UNC5C: variants seen among roughly 807,000 people sequenced by gnomAD.
UNC5C encodes the protein netrin receptor UNC5C.
UNC5C carries 47 observed loss-of-function variants against 99.8 expected under a neutral mutation model. The observed-to-expected ratio is 0.47, with a 90% confidence interval of 0.37 to 0.60. The LOEUF (loss-of-function observed/expected upper bound fraction) is 0.60. Among genes scored for constraint, UNC5C ranks in the 20% least tolerant of loss-of-function variants. The pLI is 0.00. For synonymous variants in UNC5C, 487 were observed against 452.2 expected (o/e 1.08, Z -0.98); for missense variants, 1,062 against 1,165.9 (o/e 0.91, Z 1.30).
intron 1 of UNC5C, among the ~76,000 whole-genome samples, chr4:95,508,433 T>C (rs968830705): frequency 1.3e-5 from 2 of 151,992 alleles, no homozygotes; most frequent in African/African-American, 4.8e-5. Flanking sequence ...CTAAATCCCT[T>C]AACCTGGCAA....
At chr4:95,288,011 A>ATAAC (rs1412411629) in intron 3 of UNC5C, among the ~76,000 whole-genome samples, 2 of 152,146 alleles carry the variant, frequency 1.3e-5, no homozygotes, top group African/African-American at 4.8e-5. Context: ...CTTATGATAT[A>ATAAC]TAACTATAAA....
chr4:95,333,017 T>G (rs1439160611), intron 2 of UNC5C, among the ~76,000 whole-genome samples: 2 of 152,040 alleles, frequency 1.3e-5, no homozygotes, highest in African/African-American at 4.8e-5. Flanking sequence ...AAAACCACAA[T>G]GAGATACCAT....
chr4:95,295,833 C>A (rs1380984295), intron 3 of UNC5C, among the ~76,000 whole-genome samples: 1 of 152,180 alleles, frequency 6.6e-6, no homozygotes, highest in African/African-American at 2.4e-5. Flanking sequence ...GCCTATAATC[C>A]CAGCACTTTG....
At chr4:95,315,818 T>G (rs1363299958) in intron 2 of UNC5C, among the ~76,000 whole-genome samples, 1 of 152,200 alleles carries the variant, frequency 6.6e-6, no homozygotes, top group Non-Finnish European at 1.5e-5. Flanking sequence ...ACATACAACA[T>G]GCTGACAAAC....
intron 4 of UNC5C, among the ~76,000 whole-genome samples, chr4:95,257,580 C>T (rs760911485): frequency 3.3e-5 from 5 of 152,102 alleles, no homozygotes; most frequent in African/African-American, 7.2e-5. Flanking sequence ...GACCCATTTA[C>T]GGAGCAGGGA....
chr4:95,516,297 G>A (rs956052799), intron 1 of UNC5C, among the ~76,000 whole-genome samples: 54 of 152,114 alleles, frequency 3.5e-4, no homozygotes, highest in African/African-American at 1.2e-3. Context: ...ATTCTTCAAT[G>A]TGAACCTTGT....
At chr4:95,435,175 C>T (rs1050186427) in intron 1 of UNC5C, among the ~76,000 whole-genome samples, 1 of 152,050 alleles carries the variant, frequency 6.6e-6, no homozygotes, top group Non-Finnish European at 1.5e-5. Context: ...GTGGCCCTCC[C>T]AATTCTGATA....
intron 1 of UNC5C, among the ~76,000 whole-genome samples, chr4:95,369,003 G>A (rs780549318): frequency 1.3e-4 from 20 of 151,770 alleles, no homozygotes; most frequent in South Asian, 1.2e-3. Context: ...CTGCATCCTC[G>A]ACATCCACTA....
rs75235210 is a variant in UNC5C at position 95,462,395 on chromosome 4, A to G, written c.124+86339T>C. On this transcript the variant is annotated intron_variant, in intron 1 of 15. Transcript: ENST00000453304. The stretch of plus-strand genomic sequence containing the variant: ...AAACTTGTTTCAGGTGCTATATTAG[A>G]TATTACGGGTAAAAATTATAAATAA... Among the ~76,000 whole-genome samples, 150 of 152,282 alleles carry G rather than the reference A, an allele frequency of 9.9e-4. 4 individuals carry two copies. In the East Asian group the frequency reaches 0.028, roughly 28 times the overall value.
At chr4:95,237,691 A>T (rs1384605260) in intron 7 of UNC5C, among the ~76,000 whole-genome samples, 1 of 152,188 alleles carries the variant, frequency 6.6e-6, no homozygotes, top group African/African-American at 2.4e-5. Context: ...ATAATGGGAA[A>T]TGGAATTGAA....
chr4:95,311,824 G>C (rs1742287157), intron 2 of UNC5C, among the ~76,000 whole-genome samples: 1 of 152,116 alleles, frequency 6.6e-6, no homozygotes, highest in Non-Finnish European at 1.5e-5. Flanking sequence ...CAAGAGGATT[G>C]CTTGAGGCCA....
intron 1 of UNC5C, among the ~76,000 whole-genome samples, chr4:95,418,298 TTTCAATG>T (rs1334924354): frequency 6.6e-6 from 1 of 152,224 alleles, no homozygotes; most frequent in Non-Finnish European, 1.5e-5. Flanking sequence ...TATTGTTCTC[TTTCAATG>T]TTCAATTCTA....
At chr4:95,268,074 G>A (rs895014435) in intron 4 of UNC5C, among the ~76,000 whole-genome samples, 1 of 149,942 alleles carries the variant, frequency 6.7e-6, no homozygotes, top group African/African-American at 2.5e-5. Context: ...CTCAGCCTCC[G>A]GAGTAGCTGG....
intron 1 of UNC5C, among the ~76,000 whole-genome samples, chr4:95,418,756 A>G (rs1049859247): frequency 3.3e-5 from 5 of 152,234 alleles, no homozygotes; most frequent in Non-Finnish European, 7.3e-5. Context: ...GTAATAAAAA[A>G]ATATCCAACT....
chr4:95,494,530 A>G (rs1166154682), intron 1 of UNC5C, among the ~76,000 whole-genome samples: 1 of 151,446 alleles, frequency 6.6e-6, no homozygotes, highest in African/African-American at 2.4e-5. Flanking sequence ...AAGAAAGTGC[A>G]CAAATGCCTC....
At chr4:95,399,236 A>G (rs1745615440) in intron 1 of UNC5C, among the ~76,000 whole-genome samples, 1 of 152,204 alleles carries the variant, frequency 6.6e-6, no homozygotes, top group Non-Finnish European at 1.5e-5. Flanking sequence ...TAAAAGCAGT[A>G]TTCTAAAAAT....
chr4:95,231,764 AG>A (rs762800488), intron 7 of UNC5C, among the ~76,000 whole-genome samples: 1 of 152,212 alleles, frequency 6.6e-6, no homozygotes, highest in African/African-American at 2.4e-5. Context: ...ATGATGTCAA[AG>A]GTCAGGTCTG....
intron 1 of UNC5C, among the ~76,000 whole-genome samples, chr4:95,541,229 C>T (rs1458248626): frequency 6.6e-6 from 1 of 152,114 alleles, no homozygotes; most frequent in Non-Finnish European, 1.5e-5. Flanking sequence ...ACAAACAATT[C>T]GTAAGTTTTA....
rs572659375 is a variant in UNC5C, at chr4:95,224,296, A to G, written c.1109-4120T>C. Reference sequence around the variant, plus strand: ...AGATCTGTCTCAAAAAATAAAAAGAAAAGAATCAGCGTGGTCCTGCTTGAA... The same window carrying G: ...AGATCTGTCTCAAAAAATAAAAAGAGAAGAATCAGCGTGGTCCTGCTTGAA... On this transcript the variant is annotated intron_variant, in intron 7 of 15. Coordinates refer to ENST00000453304, the MANE Select transcript of UNC5C (RefSeq NM_003728.4). Among the ~76,000 whole-genome samples, 11 of 152,284 alleles carry G rather than the reference A, an allele frequency of 7.2e-5. No homozygotes were observed. The East Asian group carries it at 2.1e-3, about 29-fold the overall frequency.
Sources: allele counts gnomAD v4.1 joint callset (sites outside exome capture counted in the v4.1 genomes callset), GRCh38; gene constraint gnomAD v4.1.1; transcripts MANE v1.5; gene names NCBI Gene and HGNC (gene_info 2026-07-23, HGNC 2026-07-21).